The following CALN1 variants were observed in gnomAD, a reference collection of about 807,000 sequenced individuals.
CALN1 encodes calcium-binding protein 8.
CALN1 carries 17 observed loss-of-function variants against 30.6 expected under a neutral mutation model. That is an observed-to-expected ratio of 0.56 (90% CI 0.38 to 0.83). The LOEUF is 0.83. CALN1 is among the 40% of genes least tolerant of loss of function. The pLI is 0.00. For missense variants in CALN1, 291 were observed against 354.9 expected (o/e 0.82, Z 1.45); for synonymous variants, 156 against 131.4 (o/e 1.19, Z -1.28).
chr7:72,326,571 C>T (rs761473479), intron 2 of CALN1, among the ~76,000 whole-genome samples: 8 of 152,188 alleles, frequency 5.3e-5, no homozygotes, highest in Non-Finnish European at 1.0e-4. Context: ...GAGGCTGAGA[C>T]GCCACATCAG....
chr7:72,119,144 G>GT (rs1321626774), intron 3 of CALN1, among the ~76,000 whole-genome samples: 1 of 152,118 alleles, frequency 6.6e-6, no homozygotes, highest in Non-Finnish European at 1.5e-5. Context: ...TAAACTTGCT[G>GT]TATTAGTCCA....
intron 3 of CALN1, among the ~76,000 whole-genome samples, chr7:72,248,805 T>A (rs912126104): frequency 2.7e-5 from 4 of 146,442 alleles, no homozygotes; most frequent in African/African-American, 9.8e-5. Context: ...ACAACATCTA[T>A]TAAATTTCGA....
intron 3 of CALN1, among the ~76,000 whole-genome samples, chr7:72,175,354 T>C (rs1454454546): frequency 6.6e-6 from 1 of 151,892 alleles, no homozygotes; most frequent in African/African-American, 2.4e-5. Context: ...ATTATGGGAG[T>C]GAGCCAAATC....
At chr7:71,825,097 A>G (rs1788833921) in intron 5 of CALN1, among the ~76,000 whole-genome samples, 1 of 152,128 alleles carries the variant, frequency 6.6e-6, no homozygotes, top group Middle Eastern at 3.2e-3. Context: ...TCTTCTATCA[A>G]ATAAGCAGAC....
upstream of CALN1, among the ~76,000 whole-genome samples, chr7:72,415,874 G>T (rs2129563453): frequency 6.6e-6 from 1 of 152,306 alleles, no homozygotes; most frequent in African/African-American, 2.4e-5. Context: ...GCTTCCTTTG[G>T]CCAGTGCCCA....
At chr7:72,486,981 G>A in the CALN1 span, among the ~76,000 whole-genome samples, 1 of 152,150 alleles carries the variant, frequency 6.6e-6, no homozygotes, top group African/African-American at 2.4e-5. Flanking sequence ...ACATTCACGG[G>A]AGTATTCTTA....
At chr7:71,794,762 C>T (rs1305164055) in intron 6 of CALN1, among the ~76,000 whole-genome samples, 1 of 152,208 alleles carries the variant, frequency 6.6e-6, no homozygotes, top group Admixed American at 6.5e-5. Context: ...AACTCAGATG[C>T]TCCCAAATCT....
intron 3 of CALN1, among the ~76,000 whole-genome samples, chr7:72,256,623 T>G (rs1386383515): frequency 6.6e-6 from 1 of 151,704 alleles, no homozygotes; most frequent in African/African-American, 2.4e-5. Context: ...TCTTTCAAAT[T>G]TGAGACCAGG....
chr7:71,891,702 G>A (rs1003296884), intron 5 of CALN1, among the ~76,000 whole-genome samples: 2 of 151,906 alleles, frequency 1.3e-5, no homozygotes, highest in African/African-American at 2.4e-5. Flanking sequence ...CCAGCACTTC[G>A]GGAAGCCAAA....
At chr7:72,269,689 G>C (rs927899008) in intron 3 of CALN1, among the ~76,000 whole-genome samples, 1 of 152,126 alleles carries the variant, frequency 6.6e-6, no homozygotes, top group Non-Finnish European at 1.5e-5. Context: ...GCCAGTAATT[G>C]AATTACCTAC....
intron 3 of CALN1, among the ~76,000 whole-genome samples, chr7:72,125,799 C>CTATT (rs1808713901): frequency 8.7e-6 from 1 of 114,774 alleles, no homozygotes; most frequent in Non-Finnish European, 1.7e-5. Flanking sequence ...CTGTATCATT[C>CTATT]TTTTTTTTTT....
At chr7:71,989,824 C>T in intron 5 of CALN1, among the ~76,000 whole-genome samples, 1 of 151,904 alleles carries the variant, frequency 6.6e-6, no homozygotes, top group Non-Finnish European at 1.5e-5. Flanking sequence ...TAAAAAAAAT[C>T]CAGGCACACT....
At chr7:72,419,820 A>T (rs1475851082) in intron 1 of CALN1, among the ~76,000 whole-genome samples, 2 of 152,158 alleles carry the variant, frequency 1.3e-5, no homozygotes, top group African/African-American at 4.8e-5. Flanking sequence ...CTAACTTCAG[A>T]TGTGTGGTTT....
the CALN1 span, among the ~76,000 whole-genome samples, chr7:72,459,620 T>C: frequency 6.7e-5 from 9 of 133,576 alleles, no homozygotes; most frequent in Non-Finnish European, 1.2e-4. Context: ...GGTGAAACCC[T>C]GTCTCAAAAA....
chr7:72,248,862 A>C (rs1417392321), intron 3 of CALN1, among the ~76,000 whole-genome samples: 1 of 152,176 alleles, frequency 6.6e-6, no homozygotes, highest in Non-Finnish European at 1.5e-5. Flanking sequence ...CATTTTGAGA[A>C]TCAGGATAGT....
At chr7:72,277,997 A>G (rs1797449323) in intron 3 of CALN1, among the ~76,000 whole-genome samples, 2 of 103,246 alleles carry the variant, frequency 1.9e-5, no homozygotes, top group African/African-American at 8.3e-5. Context: ...AATCAACCTA[A>G]TCCTCTATTC....
intron 3 of CALN1, among the ~76,000 whole-genome samples, chr7:72,245,942 C>T (rs1412995224): frequency 6.6e-6 from 1 of 152,230 alleles, no homozygotes; most frequent in Non-Finnish European, 1.5e-5. Flanking sequence ...AATGCTTACA[C>T]TGCAAGGCGT....
intron 3 of CALN1, among the ~76,000 whole-genome samples, chr7:72,209,372 C>T: frequency 1.7e-5 from 1 of 57,206 alleles, no homozygotes. Context: ...TTCCTTCCCT[C>T]CTTCCCTCCT....
chr7:72,305,428 A>C (rs535336521), intron 2 of CALN1, among the ~76,000 whole-genome samples: 1 of 152,304 alleles, frequency 6.6e-6, no homozygotes, highest in South Asian at 2.1e-4. Flanking sequence ...GGAAGGATTT[A>C]ATTGTGATGA....
Sources: gnomAD v4.1 joint callset for allele counts (sites outside exome capture counted in the v4.1 genomes callset) on GRCh38, gnomAD v4.1.1 for gene constraint, MANE v1.5 for transcripts, NCBI Gene and HGNC (gene_info 2026-07-23, HGNC 2026-07-21) for gene names.